The following RBFOX1 variants were observed in gnomAD, a reference collection of about 807,000 sequenced individuals.
RBFOX1 encodes the protein RNA binding protein fox-1 homolog 1.
Under a neutral mutation model 57.7 loss-of-function variants are expected in RBFOX1, and 8 were observed. That is an observed-to-expected ratio of 0.14 (90% CI 0.08 to 0.25). The LOEUF (loss-of-function observed/expected upper bound fraction) is 0.25, where lower values mean the gene tolerates loss of function less well. Ranked by LOEUF, RBFOX1 falls within the 10% of genes least tolerant of loss-of-function variation. The pLI is 1.00. For missense variants in RBFOX1, 611 were observed against 548.5 expected, an observed-to-expected ratio of 1.11 and a Z score of -1.14; for synonymous variants, 326 against 222.4, an observed-to-expected ratio of 1.47 and a Z score of -4.15.
chr16:7,019,186 A>T (rs917650088), intron 3 of RBFOX1, among the ~76,000 whole-genome samples: 10 of 152,004 alleles, frequency 6.6e-5, no homozygotes, highest in African/African-American at 2.4e-4. Context: ...TAGGACACTA[A>T]ATTATTTTAT....
At chr16:6,230,361 C>T (rs1219029476) in intron 1 of RBFOX1, among the ~76,000 whole-genome samples, 2 of 151,952 alleles carry the variant, frequency 1.3e-5, no homozygotes, top group African/African-American at 2.4e-5. Context: ...TTATTATCTC[C>T]GTTTCACACA....
intron 2 of RBFOX1, among the ~76,000 whole-genome samples, chr16:5,475,876 G>C (rs1313628007): frequency 6.6e-6 from 1 of 152,128 alleles, no homozygotes; most frequent in Non-Finnish European, 1.5e-5. Context: ...CACGATCATA[G>C]CCCACTGCAG....
At chr16:6,745,933 T>G (rs75557265) in intron 3 of RBFOX1, among the ~76,000 whole-genome samples, 3,192 of 152,324 alleles carry the variant, frequency 0.021, 130 homozygotes, top group African/African-American at 0.073. Context: ...TTTATCAAGT[T>G]GCAGGATGCA....
At chr16:7,213,654 A>G (rs192666194) in intron 4 of RBFOX1, among the ~76,000 whole-genome samples, 9 of 152,196 alleles carry the variant, frequency 5.9e-5, no homozygotes, top group East Asian at 1.9e-4. Context: ...GAGATGAGCT[A>G]TCTCATTTAA....
At chr16:6,552,524 C>G (rs181909143) in intron 2 of RBFOX1, among the ~76,000 whole-genome samples, 5 of 152,162 alleles carry the variant, frequency 3.3e-5, no homozygotes, top group African/African-American at 1.2e-4. Flanking sequence ...TGGTAATTGC[C>G]GAATAAATGT....
rs191438842 is a variant in RBFOX1 at position 5,650,258 on chromosome 16, G to A, written c.318+51297G>A. On this transcript the variant is annotated intron_variant, in intron 3 of 19. Coordinates refer to the RBFOX1 transcript ENST00000641259. ...CAGAGAGGCTGACTCTGATGGCCTC[G>A]GGAGATGTGAAGTGCCCCTTTCTGG... 3.0e-4 allele frequency among the ~76,000 whole-genome samples: 46 copies of A among 152,254 alleles called. 1 individual carries two copies. The highest frequency in any genetic ancestry group is 2.6e-3 in the Admixed American group (39 of 15,294).
chr16:7,710,184 G>T (rs1396230360), intron 15 of RBFOX1: 14 of 1,024,500 alleles, frequency 1.4e-5, no homozygotes, highest in Non-Finnish European at 1.5e-5. Context: ...GCCAAGTTAA[G>T]TAAGAAGTAG....
At chr16:7,219,704 G>C (rs1315272567) in intron 4 of RBFOX1, among the ~76,000 whole-genome samples, 22 of 152,146 alleles carry the variant, frequency 1.4e-4, no homozygotes. Flanking sequence ...GTACACCCTG[G>C]AAACAGGAAG....
rs149316598 is a variant in RBFOX1, at chr16:6,751,908, G to T, written c.-16+97258G>T. On this transcript the variant is annotated intron_variant, in intron 3 of 15. Coordinates refer to ENST00000550418, the MANE Select transcript of RBFOX1 (RefSeq NM_018723.4). The stretch of plus-strand genomic sequence containing the variant: ...GCTGCTGGTTTATATGAATTTTCCA[G>T]GGGTGCCAGCGTGAGTCCAGGCTTT... 7.5e-3 allele frequency among the ~76,000 whole-genome samples: 1,143 copies of T among 152,222 alleles called. 8 individuals are homozygous for T. The highest frequency in any genetic ancestry group is 0.012 in the Non-Finnish European group (796 of 68,000).
intron 15 of RBFOX1, chr16:7,709,713 C>A: frequency 8.9e-7 from 1 of 1,121,828 alleles, no homozygotes; most frequent in Non-Finnish European, 1.1e-6. Flanking sequence ...TGGGGGTTGC[C>A]TTTTGTTTTG....
chr16:7,051,920 A>G (rs1353314623), intron 3 of RBFOX1, 137 bp from the exon 4 acceptor site: 1 of 1,359,768 alleles, frequency 7.4e-7, no homozygotes, highest in Admixed American at 2.2e-5. Flanking sequence ...TGTAGACCTA[A>G]AGAAAAATTA....
chr16:5,697,734 A>T (rs28490331), intron 3 of RBFOX1, among the ~76,000 whole-genome samples: 3,604 of 151,954 alleles, frequency 0.024, 147 homozygotes, highest in African/African-American at 0.082. Flanking sequence ...GGTTATCTGC[A>T]TATTGGCCAG....
chr16:7,004,339 C>G (rs566948765), intron 3 of RBFOX1, among the ~76,000 whole-genome samples: 23 of 152,238 alleles, frequency 1.5e-4, no homozygotes, highest in Non-Finnish European at 3.1e-4. Flanking sequence ...TTAAACTCCT[C>G]AACATCAGGG....
rs571047671 is a variant in RBFOX1, at chr16:7,707,391, TGGG to T, written c.996-1661_996-1659del. ...ACCATGAGAAAGCTTGGAAGGAAAA[TGGG>T]GGGAAAACAGGAAAGGAGAGGGAAA... On this transcript the variant is annotated intron_variant, in intron 14 of 15. Transcript: ENST00000550418. Among the ~76,000 whole-genome samples the T allele has an allele frequency of 5.5e-4, 83 of 151,872 alleles. No individual in the cohort carries two copies. In the East Asian group the frequency reaches 0.014, roughly 26 times the overall value.
chr16:7,361,268 C>G (rs113167459), intron 4 of RBFOX1, among the ~76,000 whole-genome samples: 203 of 152,326 alleles, frequency 1.3e-3, no homozygotes, highest in Non-Finnish European at 2.0e-3. Flanking sequence ...TGTAGCCATT[C>G]CGTCTCGCTG....
chr16:7,693,204 C>T (rs966520096), intron 14 of RBFOX1: 17 of 808,398 alleles, frequency 2.1e-5, no homozygotes, highest in Middle Eastern at 2.3e-4. Flanking sequence ...TCGCAACATC[C>T]ATTCACACGC....
chr16:7,363,462 C>T (rs1221264195), intron 4 of RBFOX1, among the ~76,000 whole-genome samples: 1 of 151,632 alleles, frequency 6.6e-6, no homozygotes, highest in African/African-American at 2.4e-5. Context: ...AGATTCAATC[C>T]TTCCTCCGAG....
intron 1 of RBFOX1, among the ~76,000 whole-genome samples, chr16:6,022,239 T>A (rs1305814131): frequency 7.9e-6 from 1 of 126,286 alleles, no homozygotes; most frequent in East Asian, 2.2e-4. Flanking sequence ...ATGAAAGTAT[T>A]ACCTTAGCAA....
chr16:5,925,762 T>C (rs2058927573), intron 4 of RBFOX1, among the ~76,000 whole-genome samples: 1 of 152,184 alleles, frequency 6.6e-6, no homozygotes, highest in Admixed American at 6.5e-5. Flanking sequence ...TTTTTCTCAG[T>C]CTCTCAGGTC....
Sources: gnomAD v4.1 joint callset for allele counts (sites outside exome capture counted in the v4.1 genomes callset) on GRCh38, gnomAD v4.1.1 for gene constraint, MANE v1.5 for transcripts, NCBI Gene and HGNC (gene_info 2026-07-23, HGNC 2026-07-21) for gene names.